The following CCDC92 variants were observed in gnomAD, a reference collection of about 807,000 sequenced individuals.
CCDC92 encodes the protein coiled-coil domain containing 92, also known as coiled-coil domain-containing protein 92.
Under a neutral mutation model 24.9 loss-of-function variants are expected in CCDC92, and 12 were observed. That is an observed-to-expected ratio of 0.48 (90% CI 0.31 to 0.78). The LOEUF (loss-of-function observed/expected upper bound fraction) is 0.78. Ranked by LOEUF, CCDC92 falls within the 30% of genes least tolerant of loss-of-function variation. The pLI is 0.05. For missense variants in CCDC92, 399 were observed against 439.4 expected (o/e 0.91, Z 0.82); for synonymous variants, 193 against 196.3 (o/e 0.98, Z 0.14).
At chr12:123,950,625 C>T (rs1410407805) in intron 1 of CCDC92, among the ~76,000 whole-genome samples, 2 of 152,236 alleles carry the variant, frequency 1.3e-5, no homozygotes, top group East Asian at 1.9e-4. Context: ...GGTCCCAGGG[C>T]CAGGGGCAGA....
At chr12:123,940,761 C>T (rs909624401) in intron 4 of CCDC92, among the ~76,000 whole-genome samples, 2 of 152,190 alleles carry the variant, frequency 1.3e-5, no homozygotes, top group African/African-American at 4.8e-5. Context: ...TCTAAACCTG[C>T]GCACTCCCTG....
chr12:123,969,665 T>C (rs1488871543), intron 1 of CCDC92, among the ~76,000 whole-genome samples: 2 of 151,958 alleles, frequency 1.3e-5, no homozygotes, highest in Non-Finnish European at 2.9e-5. Context: ...GGTTTCACCA[T>C]GTTGCTCAGG....
chr12:123,942,649 G>T lies in CCDC92; in HGVS notation c.223+95C>A. ...ACACGCATAACTCTTCCCAGCAAGA[G>T]CATTTTCTCCTAAGTGTGTGACTAG... On this transcript the variant is annotated intron_variant, in intron 4 of 4. Transcript: ENST00000238156. 4 of 941,010 alleles carry T rather than the reference G, an allele frequency of 4.3e-6. No individual in the cohort carries two copies. The South Asian group carries it at 5.2e-5, about 12-fold the overall frequency. 58.3% of individuals were successfully genotyped at this position (941,010 alleles called of 1,614,324 possible).
intron 2 of CCDC92, 97 bp from the exon 3 acceptor site, chr12:123,943,590 G>A: frequency 7.4e-7 from 1 of 1,359,730 alleles, no homozygotes; most frequent in Non-Finnish European, 1.0e-6. Context: ...GCGCCTCCCA[G>A]GAGAGAGCAG....
At chr12:123,939,298 T>C (rs147107168) in intron 4 of CCDC92, among the ~76,000 whole-genome samples, 4 of 152,302 alleles carry the variant, frequency 2.6e-5, no homozygotes, top group Non-Finnish European at 4.4e-5. Flanking sequence ...CTGCCTGAGC[T>C]AGCAGCAGCT....
At chr12:123,957,247 T>C (rs889428366) in intron 1 of CCDC92, among the ~76,000 whole-genome samples, 1 of 152,280 alleles carries the variant, frequency 6.6e-6, no homozygotes. Context: ...GTTGGATGTT[T>C]CAGCTTCTTC....
At chr12:123,940,435 C>T (rs540834754) in intron 4 of CCDC92, among the ~76,000 whole-genome samples, 15 of 152,172 alleles carry the variant, frequency 9.9e-5, no homozygotes, top group Non-Finnish European at 1.9e-4. Context: ...GCCTTGGCTC[C>T]GGGCTGATGT....
chr12:123,972,144 G>A (rs570949921), intron 1 of CCDC92: 3 of 152,114 alleles, frequency 2.0e-5, no homozygotes, highest in South Asian at 4.1e-4. Context: ...CTTGGCACTG[G>A]GGTGGGCGCG....
intron 1 of CCDC92, among the ~76,000 whole-genome samples, chr12:123,954,839 G>C (rs1202350063): frequency 1.3e-5 from 2 of 152,230 alleles, no homozygotes; most frequent in Admixed American, 1.3e-4. Flanking sequence ...GAGGCCAGCG[G>C]GCGGCAGACC....
chr12:123,960,536 C>T (rs1956247856), intron 1 of CCDC92, among the ~76,000 whole-genome samples: 1 of 152,124 alleles, frequency 6.6e-6, no homozygotes, highest in Non-Finnish European at 1.5e-5. Flanking sequence ...AATGCTGAGC[C>T]TGTGACATGG....
At position 123,937,124 on chromosome 12, in the gene CCDC92, C is replaced by A. The variant is rs1441324053; in HGVS notation, c.930G>T (p.Leu310=). The change falls in exon 5 of 5, where the codon CTG becomes CTT. Residue 310 remains leucine, a synonymous_variant. Coordinates refer to ENST00000238156, the MANE Select transcript of CCDC92 (RefSeq NM_025140.3). This position sits in a 1 kb window ranked among gnomAD's most constrained non-coding sequence, Gnocchi z 8.4. The part of the protein sequence containing the change: ...PPQAQPEVKT[L]AVDQVNGGKV... ...TGCCTCCGTTCACCTGGTCGACCGC[C>A]AGGGTCTTCACCTCGGGCTGGGCCT... 1 of 1,613,634 alleles carries A rather than the reference C, an allele frequency of 6.2e-7. No individual in the cohort carries two copies. Among genetic ancestry groups the A allele is most frequent in the Non-Finnish European group, 8.5e-7 (1 of 1,180,022 alleles).
At chr12:123,969,189 G>A (rs989475009) in intron 1 of CCDC92, among the ~76,000 whole-genome samples, 6 of 152,030 alleles carry the variant, frequency 3.9e-5, no homozygotes, top group African/African-American at 1.2e-4. Context: ...ATACAAATAG[G>A]GCACATGTCT....
intron 4 of CCDC92, among the ~76,000 whole-genome samples, chr12:123,942,102 T>C (rs1955702487): frequency 6.6e-6 from 1 of 152,178 alleles, no homozygotes; most frequent in Non-Finnish European, 1.5e-5. Context: ...CCACCCTGTT[T>C]TAGGGAGCAG....
chr12:123,960,906 T>G (rs2138135288), intron 1 of CCDC92: 2 of 152,360 alleles, frequency 1.3e-5, no homozygotes, highest in Middle Eastern at 6.8e-3. Context: ...TTTAATTTGC[T>G]TTTTAAAGTT....
At chr12:123,960,933 T>C (rs1956257285) in intron 1 of CCDC92, 1 of 152,230 alleles carries the variant, frequency 6.6e-6, no homozygotes, top group Non-Finnish European at 1.5e-5. Flanking sequence ...GCCTTTACAA[T>C]AGGCCAGGCA....
At chr12:123,966,005 A>G (rs1468306683) in intron 1 of CCDC92, 2 of 152,242 alleles carry the variant, frequency 1.3e-5, no homozygotes, top group Non-Finnish European at 2.9e-5. Flanking sequence ...ATGGGTTTTC[A>G]TGTGAATGCT....
Position 123,937,867 on chromosome 12 carries a change from A to T in CCDC92, c.224-37T>A. 1 of 1,566,426 alleles carries T rather than the reference A, an allele frequency of 6.4e-7. No individual in the cohort carries two copies. Among genetic ancestry groups the T allele is most frequent in the East Asian group, 2.2e-5 (1 of 44,758 alleles). ...AGCCGAGGAAGCAGGTGAAGAACTC[A>T]TTAGACTGAGGCCGAGTGGTGAGGC... On this transcript the variant is annotated intron_variant, in intron 4 of 4. Transcript: ENST00000238156. The surrounding 1 kb of genome is among the most constrained non-coding windows in gnomAD (Gnocchi z 8.4).
Position 123,943,812 on chromosome 12 carries a change from A to G in CCDC92, c.35-319T>C, listed in dbSNP as rs546877144. 5.1e-5 allele frequency: 24 copies of G among 471,064 alleles called. 1 individual carries two copies. Among genetic ancestry groups the G allele is most frequent in the Middle Eastern group, 5.5e-4 (1 of 1,820 alleles). 29.2% of individuals were successfully genotyped at this position (471,064 alleles called of 1,614,324 possible). A position where few individuals can be genotyped will look rare whatever the true frequency, so the allele number is the denominator to read the frequency against. ...CCCTTTACTCATGAGGAAACAGATC[A>G]AGAGAGGCAGATTCGCGAGCCTGGG... On this transcript the variant is annotated intron_variant, in intron 2 of 4. Transcript: ENST00000238156.
At chr12:123,971,238 A>C (rs1349616692) in intron 1 of CCDC92, among the ~76,000 whole-genome samples, 1 of 152,200 alleles carries the variant, frequency 6.6e-6, no homozygotes, top group Non-Finnish European at 1.5e-5. Context: ...ATGTACGCAT[A>C]CCCGTATATA....
Sources: gnomAD v4.1 joint callset for allele counts (sites outside exome capture counted in the v4.1 genomes callset) on GRCh38, gnomAD v4.1.1 for gene constraint, Gnocchi (gnomAD v3.1) non-coding constraint, MANE v1.5 for transcripts, NCBI Gene and HGNC (gene_info 2026-07-23, HGNC 2026-07-21) for gene names.